The following DLG2 variants were observed in gnomAD, a reference collection of about 807,000 sequenced individuals.
DLG2 encodes disks large homolog 2.
Under a neutral mutation model 132.5 loss-of-function variants are expected in DLG2, and 45 were observed. That is an observed-to-expected ratio of 0.34 (90% CI 0.27 to 0.44). DLG2 has a LOEUF of 0.44. Among genes scored for constraint, DLG2 ranks in the 20% least tolerant of loss-of-function variants. The probability of loss-of-function intolerance (pLI) is 1.00; values close to 1 mark genes in which losing one functional copy is unlikely to be tolerated. For missense variants in DLG2, 1,045 were observed against 1,196.9 expected (o/e 0.87, Z 1.87); for synonymous variants, 424 against 419.6 (o/e 1.01, Z -0.13).
intron 3 of DLG2, among the ~76,000 whole-genome samples, chr11:85,439,767 T>C (rs79243204): frequency 0.026 from 3,939 of 152,252 alleles, 85 homozygotes; most frequent in South Asian, 0.057. Flanking sequence ...TAACAGAGTA[T>C]AGAGTAATGG....
In DLG2 at chr11:85,253,146, T is replaced by C. The variant is rs149487785; in HGVS notation, c.186+32074A>G. Among the ~76,000 whole-genome samples, 951 of 152,336 alleles carry C rather than the reference T, an allele frequency of 6.2e-3. 2 individuals are homozygous for C. Among genetic ancestry groups the C allele is most frequent in the Non-Finnish European group, 0.011 (768 of 68,038 alleles). On this transcript the variant is annotated intron_variant, in intron 4 of 27. Transcript: ENST00000376104. ...GCTCTAATGCATAGCATATACATGA[T>C]TTCTACACATTTTCTACACAAGGAT...
In DLG2 at chr11:85,269,915, T is replaced by C. The variant is rs563634289; in HGVS notation, c.186+15305A>G. Among the ~76,000 whole-genome samples, 140 of 152,306 alleles carry C rather than the reference T, an allele frequency of 9.2e-4. 3 individuals are homozygous for C. Among genetic ancestry groups the C allele is most frequent in the Admixed American group, 7.3e-3 (112 of 15,302 alleles). ...TAGTAATAATAATACCCATCTTATA[T>C]GAATGTTATAAGAATTAAATGAATA... On this transcript the variant is annotated intron_variant, in intron 4 of 27. Transcript: ENST00000376104.
chr11:85,472,576 G>A (rs1238030435), intron 3 of DLG2, among the ~76,000 whole-genome samples: 1 of 152,146 alleles, frequency 6.6e-6, no homozygotes, highest in Non-Finnish European at 1.5e-5. Context: ...GGGATTCCAG[G>A]CGTGAGCCAC....
chr11:85,325,251 G>A (rs914629980), intron 3 of DLG2, among the ~76,000 whole-genome samples: 5 of 152,166 alleles, frequency 3.3e-5, no homozygotes, highest in Middle Eastern at 3.2e-3. Context: ...TGGGAAGCTC[G>A]AACTGGGCGG....
At chr11:84,606,447 A>AT (rs1565438295) in intron 6 of DLG2, among the ~76,000 whole-genome samples, 1 of 152,096 alleles carries the variant, frequency 6.6e-6, no homozygotes, top group Admixed American at 6.6e-5. Context: ...TCTTCTAAAT[A>AT]TTTTTTCTAT....
intron 11 of DLG2, among the ~76,000 whole-genome samples, chr11:84,015,839 T>A (rs1362574217): frequency 6.6e-6 from 1 of 152,186 alleles, no homozygotes. Context: ...AGTGCTACAA[T>A]GAACTTACAT....
chr11:84,811,027 T>TCACA (rs1293929054), intron 6 of DLG2, among the ~76,000 whole-genome samples: 7 of 152,132 alleles, frequency 4.6e-5, no homozygotes, highest in African/African-American at 1.4e-4. Context: ...ATATTTTGAT[T>TCACA]GTAATATTGT....
chr11:84,954,332 G>T (rs1251096882), intron 6 of DLG2, among the ~76,000 whole-genome samples: 3 of 145,868 alleles, frequency 2.1e-5, no homozygotes, highest in Non-Finnish European at 4.5e-5. Flanking sequence ...CAATAGTCAA[G>T]GGAGGCATCT....
chr11:85,373,407 C>T (rs1365099192), intron 3 of DLG2, among the ~76,000 whole-genome samples: 2 of 152,172 alleles, frequency 1.3e-5, no homozygotes, highest in African/African-American at 4.8e-5. Flanking sequence ...ACTGCCATTT[C>T]CCCAAAACAG....
chr11:83,474,620 T>C (rs1042271703), intron 22 of DLG2, among the ~76,000 whole-genome samples: 1 of 151,924 alleles, frequency 6.6e-6, no homozygotes, highest in Non-Finnish European at 1.5e-5. Flanking sequence ...GAGAACTGAG[T>C]TTTATTCATC....
At chr11:85,392,129 G>A (rs555983249) in intron 3 of DLG2, among the ~76,000 whole-genome samples, 13 of 152,052 alleles carry the variant, frequency 8.5e-5, no homozygotes, top group Admixed American at 3.3e-4. Flanking sequence ...TAGTGGCTCT[G>A]CTATACACCA....
intron 7 of DLG2, among the ~76,000 whole-genome samples, chr11:84,294,246 G>T (rs1016015725): frequency 6.6e-6 from 1 of 152,160 alleles, no homozygotes; most frequent in African/African-American, 2.4e-5. Flanking sequence ...AAGTTATTAA[G>T]TAATATCTTA....
intron 3 of DLG2, among the ~76,000 whole-genome samples, chr11:85,447,765 A>G (rs958559216): frequency 2.0e-5 from 3 of 152,204 alleles, no homozygotes; most frequent in Non-Finnish European, 4.4e-5. Context: ...AAAAATTATG[A>G]AAAGGTCAAA....
At chr11:84,304,774 C>T (rs199978314) in intron 7 of DLG2, among the ~76,000 whole-genome samples, 1 of 152,206 alleles carries the variant, frequency 6.6e-6, no homozygotes, top group African/African-American at 2.4e-5. Flanking sequence ...TCTGGAGCTA[C>T]ACAAAACGAA....
chr11:83,913,352 T>C (rs2076386941), intron 15 of DLG2, among the ~76,000 whole-genome samples: 1 of 152,124 alleles, frequency 6.6e-6, no homozygotes, highest in African/African-American at 2.4e-5. Flanking sequence ...AAATGAATAA[T>C]GATTTAAATA....
chr11:83,521,605 T>C (rs2095481682), intron 21 of DLG2, among the ~76,000 whole-genome samples: 1 of 152,194 alleles, frequency 6.6e-6, no homozygotes, highest in Admixed American at 6.5e-5. Flanking sequence ...ACAATTTTAA[T>C]TTCCGGTCTG....
intron 7 of DLG2, among the ~76,000 whole-genome samples, chr11:84,523,862 T>G (rs1241524724): frequency 2.6e-5 from 4 of 152,190 alleles, no homozygotes; most frequent in Non-Finnish European, 2.9e-5. Flanking sequence ...TTTTTAAAAC[T>G]TATTATGATT....
At chr11:84,896,631 T>C (rs1057274379) in intron 6 of DLG2, among the ~76,000 whole-genome samples, 3 of 152,154 alleles carry the variant, frequency 2.0e-5, no homozygotes, top group Middle Eastern at 3.4e-3. Context: ...TAAACAGAGA[T>C]AGTAGTTGCC....
chr11:85,025,219 G>A (rs1335562023), intron 6 of DLG2, among the ~76,000 whole-genome samples: 1 of 152,180 alleles, frequency 6.6e-6, no homozygotes, highest in Non-Finnish European at 1.5e-5. Context: ...GTATATTTGA[G>A]TACATAGGGA....
Sources: gnomAD v4.1 joint callset for allele counts (sites outside exome capture counted in the v4.1 genomes callset) on GRCh38, gnomAD v4.1.1 for gene constraint, MANE v1.5 for transcripts, NCBI Gene and HGNC (gene_info 2026-07-23, HGNC 2026-07-21) for gene names.